Variants in ZNF804A observed in about 807,000 individuals in gnomAD.
The protein encoded by ZNF804A is zinc finger protein 804A.
ZNF804A carries 2 observed loss-of-function variants against 16.5 expected under a neutral mutation model. The ratio of observed to expected loss-of-function variants is 0.12; its 90% CI spans 0.05 to 0.38. The LOEUF (loss-of-function observed/expected upper bound fraction) is 0.38. ZNF804A is among the 10% of genes least tolerant of loss of function. The pLI is 0.99. For missense variants in ZNF804A, 1,473 were observed against 1,390.7 expected (o/e 1.06, Z -0.94); for synonymous variants, 534 against 489.6 (o/e 1.09, Z -1.20).
At chr2:184,809,403 G>A (rs554536530) in intron 1 of ZNF804A, among the ~76,000 whole-genome samples, 1 of 151,838 alleles carries the variant, frequency 6.6e-6, no homozygotes, top group South Asian at 2.1e-4. Context: ...AAGTAATACA[G>A]GACAAAAGAA....
intron 1 of ZNF804A, among the ~76,000 whole-genome samples, chr2:184,857,533 GA>G (rs1695717782): frequency 6.6e-6 from 1 of 151,980 alleles, no homozygotes; most frequent in Non-Finnish European, 1.5e-5. Flanking sequence ...TTTCCTTATT[GA>G]TTTTCTGTCT....
intron 1 of ZNF804A, among the ~76,000 whole-genome samples, chr2:184,776,288 T>C (rs2105771366): frequency 6.6e-6 from 1 of 151,580 alleles, no homozygotes; most frequent in Non-Finnish European, 1.5e-5. Flanking sequence ...AAATCTGGCA[T>C]TGAAAAAAAT....
At chr2:184,810,585 G>A (rs1424850597) in intron 1 of ZNF804A, among the ~76,000 whole-genome samples, 1 of 146,498 alleles carries the variant, frequency 6.8e-6, no homozygotes, top group Admixed American at 6.9e-5. Context: ...CCGCCTCCCA[G>A]GTTCACGCCA....
intron 1 of ZNF804A, among the ~76,000 whole-genome samples, chr2:184,774,454 TA>T (rs889924484): frequency 1.9e-4 from 28 of 151,280 alleles, no homozygotes; most frequent in African/African-American, 5.3e-4. Context: ...CAGGGGTAGG[TA>T]AAAAAAAATC....
chr2:184,868,227 A>C (rs1695909647), intron 2 of ZNF804A, among the ~76,000 whole-genome samples: 1 of 152,222 alleles, frequency 6.6e-6, no homozygotes, highest in South Asian at 2.1e-4. Context: ...TAATTGATTA[A>C]TTCAATGTGA....
chr2:184,818,338 C>G (rs553566813), intron 1 of ZNF804A, among the ~76,000 whole-genome samples: 31 of 151,996 alleles, frequency 2.0e-4, no homozygotes, highest in African/African-American at 7.2e-4. Flanking sequence ...AAAGAGGATC[C>G]TTTACAGACA....
chr2:184,901,118 A>G (rs1685175037), intron 2 of ZNF804A, among the ~76,000 whole-genome samples: 1 of 152,218 alleles, frequency 6.6e-6, no homozygotes, highest in African/African-American at 2.4e-5. Context: ...TACACTGCTT[A>G]AAATGGCATG....
intron 1 of ZNF804A, among the ~76,000 whole-genome samples, chr2:184,785,020 A>G (rs1404892476): frequency 6.6e-6 from 1 of 151,888 alleles, no homozygotes; most frequent in Non-Finnish European, 1.5e-5. Context: ...CCTTAATTAT[A>G]TGCATGATAC....
intron 1 of ZNF804A, among the ~76,000 whole-genome samples, chr2:184,822,785 T>C (rs945928694): frequency 6.6e-6 from 1 of 152,170 alleles, no homozygotes; most frequent in Admixed American, 6.6e-5. Flanking sequence ...TATTAGTACA[T>C]TTAATACAAA....
intron 1 of ZNF804A, among the ~76,000 whole-genome samples, chr2:184,836,887 C>T (rs909971296): frequency 6.6e-6 from 1 of 151,778 alleles, no homozygotes; most frequent in African/African-American, 2.4e-5. Flanking sequence ...CTCTTACATA[C>T]CCTGCATAAT....
At chr2:184,863,854 T>C (rs1341488280) in intron 1 of ZNF804A, among the ~76,000 whole-genome samples, 1 of 152,200 alleles carries the variant, frequency 6.6e-6, no homozygotes, top group African/African-American at 2.4e-5. Context: ...TTAGTGAAAA[T>C]TCAATAAGCA....
At chr2:184,682,506 T>C (rs1692559778) in intron 1 of ZNF804A, among the ~76,000 whole-genome samples, 2 of 152,148 alleles carry the variant, frequency 1.3e-5, no homozygotes, top group South Asian at 4.1e-4. Flanking sequence ...AATTAATTCA[T>C]GTGGTAGAAG....
chr2:184,854,940 C>T (rs373190561), intron 1 of ZNF804A, among the ~76,000 whole-genome samples: 3 of 152,020 alleles, frequency 2.0e-5, no homozygotes, highest in Non-Finnish European at 2.9e-5. Flanking sequence ...AGAAAAGACA[C>T]GACATTAATT....
intron 1 of ZNF804A, among the ~76,000 whole-genome samples, chr2:184,624,281 A>C (rs1301607393): frequency 6.6e-6 from 1 of 152,200 alleles, no homozygotes; most frequent in Non-Finnish European, 1.5e-5. Flanking sequence ...ATTTTATGCT[A>C]TATTTTACCA....
At position 184,762,809 on chromosome 2, in the gene ZNF804A, T is replaced by C. The variant is rs542409168; in HGVS notation, c.112-103560T>C. Among the ~76,000 whole-genome samples, 7 of 152,188 alleles carry C rather than the reference T, an allele frequency of 4.6e-5. No homozygotes were observed. In the South Asian group the frequency reaches 1.5e-3, roughly 32 times the overall value. On this transcript the variant is annotated intron_variant, in intron 1 of 3. Coordinates refer to ENST00000302277, the MANE Select transcript of ZNF804A (RefSeq NM_194250.2). ...AATCAATTCTGCCCAATTTCAATAT[T>C]GCCGTTATTTCTAAGCAGTGAGGAA...
At position 184,681,436 on chromosome 2, in the gene ZNF804A, T is replaced by C. The variant is rs1258062273; in HGVS notation, c.111+82366T>C. ...AGCTGATATCAAAGTGACATTATTC[T>C]TGTGCAAAAGTAGCATACTGTCGGT... On this transcript the variant is annotated intron_variant, in intron 1 of 3. Transcript: ENST00000302277. Among the ~76,000 whole-genome samples the C allele has an allele frequency of 2.6e-5, 4 of 152,348 alleles. No homozygotes were observed. In the South Asian group the frequency reaches 6.2e-4, roughly 24 times the overall value.
chr2:184,860,261 C>T (rs1219623036), intron 1 of ZNF804A, among the ~76,000 whole-genome samples: 4 of 152,156 alleles, frequency 2.6e-5, no homozygotes, highest in Non-Finnish European at 5.9e-5. Flanking sequence ...TCTGTGAGAA[C>T]TGGACTGGGT....
chr2:184,862,643 GTAACTTTTCTATAGTTAT>G (rs1293443167), intron 1 of ZNF804A, among the ~76,000 whole-genome samples: 1 of 149,900 alleles, frequency 6.7e-6, no homozygotes, highest in Non-Finnish European at 1.5e-5. Context: ...TCATAGTTTT[GTAACTTTTCTATAGTTAT>G]TAACTTTTTT....
At position 184,939,100 on chromosome 2, in the gene ZNF804A, T is replaced by C; in HGVS notation, c.*74T>C. On this transcript the variant is annotated 3_prime_UTR_variant, in exon 4 of 4. Transcript: ENST00000302277. ...TGCGTTAAGTGTTCATCTATGTGGGTACATGGCTATTTAACTGGTGGAAAT... is the reference window on the plus strand; with the variant it reads ...TGCGTTAAGTGTTCATCTATGTGGGCACATGGCTATTTAACTGGTGGAAAT... The C allele has an allele frequency of 6.6e-7, 1 of 1,525,940 alleles. No individual in the cohort carries two copies. 94.5% of individuals were successfully genotyped at this position (1,525,940 alleles called of 1,614,324 possible).
Sources: allele counts gnomAD v4.1 joint callset (sites outside exome capture counted in the v4.1 genomes callset), GRCh38; gene constraint gnomAD v4.1.1; transcripts MANE v1.5; gene names NCBI Gene and HGNC (gene_info 2026-07-23, HGNC 2026-07-21).